Variants in PLCL2 observed in about 807,000 individuals in gnomAD.
PLCL2 encodes the protein phospholipase C like 2, also known as inactive phospholipase C-like protein 2.
PLCL2 carries 4 observed loss-of-function variants against 79.6 expected under a neutral mutation model. The observed-to-expected ratio is 0.05, with a 90% confidence interval of 0.02 to 0.11. The LOEUF (loss-of-function observed/expected upper bound fraction) is 0.11. PLCL2 is among the 10% of genes least tolerant of loss of function. The probability of loss-of-function intolerance (pLI) is 1.00; values close to 1 mark genes in which losing one functional copy is unlikely to be tolerated. For synonymous variants in PLCL2, 484 were observed against 457.7 expected, an observed-to-expected ratio of 1.06 and a Z score of -0.73; for missense variants, 895 against 1,291.0, an observed-to-expected ratio of 0.69 and a Z score of 4.70.
At chr3:17,083,285 G>A (rs942678224) in intron 5 of PLCL2, among the ~76,000 whole-genome samples, 11 of 152,162 alleles carry the variant, frequency 7.2e-5, no homozygotes, top group Non-Finnish European at 4.4e-5. Context: ...GGGAGGGGAA[G>A]GAGCTAGCTA....
intron 5 of PLCL2, among the ~76,000 whole-genome samples, chr3:17,079,124 A>G (rs1030995697): frequency 1.3e-5 from 2 of 152,176 alleles, no homozygotes; most frequent in African/African-American, 4.8e-5. Context: ...GCTTACGTGC[A>G]TGCTATTTTC....
chr3:16,953,459 C>G (rs1447861629), intron 1 of PLCL2, among the ~76,000 whole-genome samples: 1 of 152,050 alleles, frequency 6.6e-6, no homozygotes. Flanking sequence ...TGGTAGTAGG[C>G]CCACCTGTGT....
intron 1 of PLCL2, among the ~76,000 whole-genome samples, chr3:16,953,794 T>C (rs2063674598): frequency 6.6e-6 from 1 of 152,096 alleles, no homozygotes; most frequent in Non-Finnish European, 1.5e-5. Context: ...TAATAGAACT[T>C]GTTTGCACCA....
intron 4 of PLCL2, among the ~76,000 whole-genome samples, chr3:17,048,812 C>G (rs1260312626): frequency 6.6e-6 from 1 of 152,142 alleles, no homozygotes; most frequent in East Asian, 1.9e-4. Flanking sequence ...GCATATTATT[C>G]ATCATGTTTA....
intron 4 of PLCL2, among the ~76,000 whole-genome samples, chr3:17,046,615 TA>T (rs1218163390): frequency 6.6e-6 from 1 of 152,242 alleles, no homozygotes; most frequent in East Asian, 1.9e-4. Context: ...ATCTCTACTC[TA>T]AAACCTCATT....
At chr3:17,033,061 T>G (rs1266987506) in intron 3 of PLCL2, among the ~76,000 whole-genome samples, 1 of 152,188 alleles carries the variant, frequency 6.6e-6, no homozygotes, top group Non-Finnish European at 1.5e-5. Context: ...TTATCTGAAA[T>G]GTAGTACATA....
intron 1 of PLCL2, among the ~76,000 whole-genome samples, chr3:16,956,966 T>C (rs2063711560): frequency 1.3e-5 from 2 of 152,182 alleles, no homozygotes; most frequent in Admixed American, 1.3e-4. Context: ...TTTGTCCATC[T>C]TTTCAAAAAA....
chr3:16,937,975 G>A (rs1436751343), intron 1 of PLCL2, among the ~76,000 whole-genome samples: 2 of 152,092 alleles, frequency 1.3e-5, no homozygotes, highest in African/African-American at 4.8e-5. Context: ...TTGAAAGGTG[G>A]CAATTCACGT....
chr3:16,919,294 T>C (rs1697069696), intron 1 of PLCL2, among the ~76,000 whole-genome samples: 1 of 152,174 alleles, frequency 6.6e-6, no homozygotes, highest in African/African-American at 2.4e-5. Context: ...AATTTGTCCA[T>C]TTCGCCTACA....
At chr3:17,016,392 C>T (rs1161134223) in intron 3 of PLCL2, among the ~76,000 whole-genome samples, 3 of 152,128 alleles carry the variant, frequency 2.0e-5, no homozygotes, top group Non-Finnish European at 2.9e-5. Context: ...TTCATGGTAA[C>T]CTTAAGAGAC....
intron 1 of PLCL2, among the ~76,000 whole-genome samples, chr3:16,896,313 GGA>G (rs1696478600): frequency 6.6e-6 from 1 of 152,088 alleles, no homozygotes; most frequent in Admixed American, 6.5e-5. Flanking sequence ...GGGGGTGGGT[GGA>G]GAGAGGGGCA....
intron 5 of PLCL2, among the ~76,000 whole-genome samples, chr3:17,084,852 G>T (rs1167096406): frequency 6.6e-6 from 1 of 152,134 alleles, no homozygotes. Flanking sequence ...AAGCATTCCC[G>T]ATAAGATTAG....
chr3:17,025,483 A>T (rs944660278), intron 3 of PLCL2, among the ~76,000 whole-genome samples: 3 of 152,120 alleles, frequency 2.0e-5, no homozygotes, highest in African/African-American at 7.2e-5. Flanking sequence ...AGCTTTTGGG[A>T]TGTACAATCA....
intron 1 of PLCL2, among the ~76,000 whole-genome samples, chr3:16,991,841 G>A (rs1431783830): frequency 2.0e-5 from 3 of 152,160 alleles, no homozygotes; most frequent in Non-Finnish European, 4.4e-5. Context: ...CTTTCCAGAG[G>A]ACAAAATGTG....
chr3:16,915,270 A>C (rs1453827895), intron 1 of PLCL2, among the ~76,000 whole-genome samples: 1 of 152,192 alleles, frequency 6.6e-6, no homozygotes, highest in African/African-American at 2.4e-5. Context: ...GACGTCATTG[A>C]AATTTTTATA....
intron 4 of PLCL2, among the ~76,000 whole-genome samples, chr3:17,044,982 G>A (rs953746580): frequency 3.5e-4 from 53 of 152,290 alleles, no homozygotes; most frequent in African/African-American, 1.3e-3. Flanking sequence ...ATCTTTAGAA[G>A]CGTGTAAAGA....
At chr3:16,934,258 G>A (rs377284415) in intron 1 of PLCL2, among the ~76,000 whole-genome samples, 19 of 152,318 alleles carry the variant, frequency 1.2e-4, no homozygotes, top group East Asian at 9.7e-4. Flanking sequence ...AGTGCAGGAT[G>A]CTGTGGACAG....
intron 3 of PLCL2, among the ~76,000 whole-genome samples, chr3:17,036,693 C>T (rs1293387555): frequency 6.6e-6 from 1 of 152,180 alleles, no homozygotes; most frequent in African/African-American, 2.4e-5. Context: ...AGGCTGACCA[C>T]CCACCAGGGA....
chr3:17,013,410 G>A (rs1467823322), intron 2 of PLCL2, among the ~76,000 whole-genome samples: 2 of 152,178 alleles, frequency 1.3e-5, no homozygotes, highest in Non-Finnish European at 2.9e-5. Flanking sequence ...TGCTAGTTGG[G>A]GGCAGGCAGT....
Sources: gnomAD v4.1 joint callset for allele counts (sites outside exome capture counted in the v4.1 genomes callset) on GRCh38, gnomAD v4.1.1 for gene constraint, MANE v1.5 for transcripts, NCBI Gene and HGNC (gene_info 2026-07-23, HGNC 2026-07-21) for gene names.